RBFOX1: variants seen among roughly 807,000 people sequenced by gnomAD.
RBFOX1 encodes the protein RNA binding fox-1 homolog 1.
In RBFOX1, 8 loss-of-function variants were observed where a neutral mutation model predicts 57.7. The ratio of observed to expected loss-of-function variants is 0.14; its 90% CI spans 0.08 to 0.25. The LOEUF (loss-of-function observed/expected upper bound fraction) is 0.25. RBFOX1 is among the 10% of genes least tolerant of loss of function. RBFOX1 has a pLI of 1.00. For missense variants in RBFOX1, 611 were observed against 548.5 expected (o/e 1.11, Z -1.14); for synonymous variants, 326 against 222.4 (o/e 1.47, Z -4.15).
intron 2 of RBFOX1, among the ~76,000 whole-genome samples, chr16:6,425,647 A>T (rs1277426667): frequency 1.3e-5 from 2 of 152,028 alleles, no homozygotes; most frequent in African/African-American, 4.8e-5. Context: ...AAACAGTTTG[A>T]TGGACTTTGT....
At chr16:6,403,646 T>A (rs2093166619) in intron 2 of RBFOX1, among the ~76,000 whole-genome samples, 1 of 152,138 alleles carries the variant, frequency 6.6e-6, no homozygotes, top group African/African-American at 2.4e-5. Flanking sequence ...TGAGCCACCG[T>A]GCCTGACATC....
chr16:5,933,490 A>T (rs139113897), intron 4 of RBFOX1, among the ~76,000 whole-genome samples: 1 of 152,298 alleles, frequency 6.6e-6, no homozygotes, highest in Non-Finnish European at 1.5e-5. Flanking sequence ...GTCAGGGTTG[A>T]ATCTCCTTGT....
chr16:5,307,680 A>T (rs2063974224), intron 1 of RBFOX1, among the ~76,000 whole-genome samples: 2 of 152,078 alleles, frequency 1.3e-5, no homozygotes, highest in African/African-American at 4.8e-5. Context: ...ATGATGAATT[A>T]TTACTACTTT....
chr16:7,114,519 A>T (rs926919661), intron 4 of RBFOX1, among the ~76,000 whole-genome samples: 1 of 152,188 alleles, frequency 6.6e-6, no homozygotes, highest in Non-Finnish European at 1.5e-5. Flanking sequence ...GCAGTGGAAC[A>T]TGGTTCCAAA....
intron 2 of RBFOX1, among the ~76,000 whole-genome samples, chr16:6,638,040 C>A (rs1051172460): frequency 6.6e-6 from 1 of 151,996 alleles, no homozygotes; most frequent in South Asian, 2.1e-4. Context: ...TCTAAGACAC[C>A]TTTAGGGGTA....
At chr16:7,648,933 C>T (rs966779044) in intron 11 of RBFOX1, among the ~76,000 whole-genome samples, 1 of 152,022 alleles carries the variant, frequency 6.6e-6, no homozygotes, top group African/African-American at 2.4e-5. Context: ...TTTTCCGAGA[C>T]AGTGAAAAAC....
intron 3 of RBFOX1, among the ~76,000 whole-genome samples, chr16:5,701,367 C>A (rs949592245): frequency 2.0e-5 from 3 of 152,194 alleles, no homozygotes; most frequent in African/African-American, 7.2e-5. Flanking sequence ...TAAGGGACTT[C>A]TTGGGAGAAT....
chr16:5,243,905 AT>A (rs981567158), intron 1 of RBFOX1, among the ~76,000 whole-genome samples: 22 of 151,076 alleles, frequency 1.5e-4, no homozygotes, highest in African/African-American at 3.9e-4. Context: ...ATTTATTTTT[AT>A]TTTTTTTTAA....
intron 4 of RBFOX1, among the ~76,000 whole-genome samples, chr16:7,258,377 T>C (rs1190514723): frequency 6.6e-6 from 1 of 152,220 alleles, no homozygotes; most frequent in Non-Finnish European, 1.5e-5. Flanking sequence ...TTGAGATTCA[T>C]GTCTAAATAC....
chr16:6,901,867 T>C (rs1020878746), intron 3 of RBFOX1, among the ~76,000 whole-genome samples: 1 of 152,208 alleles, frequency 6.6e-6, no homozygotes, highest in Non-Finnish European at 1.5e-5. Flanking sequence ...TGTTCTGGAG[T>C]TCCCCATGTG....
chr16:6,679,720 T>C (rs74005654), intron 3 of RBFOX1, among the ~76,000 whole-genome samples: 4,586 of 152,200 alleles, frequency 0.03, 211 homozygotes, highest in African/African-American at 0.1. Context: ...TTGAGTGAGT[T>C]CTTTGAGGAG....
At chr16:6,513,898 C>T (rs1013060682) in intron 2 of RBFOX1, among the ~76,000 whole-genome samples, 1 of 152,080 alleles carries the variant, frequency 6.6e-6, no homozygotes, top group Non-Finnish European at 1.5e-5. Flanking sequence ...GAGGGGGCGT[C>T]AGGCTGAAAG....
chr16:6,043,321 T>C (rs1319127895), intron 1 of RBFOX1, among the ~76,000 whole-genome samples: 1 of 152,086 alleles, frequency 6.6e-6, no homozygotes, highest in Non-Finnish European at 1.5e-5. Context: ...CCTGGCTGCA[T>C]TCATGGAGGT....
intron 1 of RBFOX1, among the ~76,000 whole-genome samples, chr16:6,305,630 T>C (rs2079412296): frequency 6.7e-6 from 1 of 149,186 alleles, no homozygotes; most frequent in South Asian, 2.1e-4. Context: ...TTTAAACACA[T>C]ACTGTAGTCA....
intron 1 of RBFOX1, among the ~76,000 whole-genome samples, chr16:6,179,173 C>A (rs932620988): frequency 2.6e-5 from 4 of 152,172 alleles, no homozygotes; most frequent in Admixed American, 1.3e-4. Context: ...GCAACTCCTG[C>A]ATGCTTGAGA....
chr16:7,279,879 G>A (rs1242166093), intron 4 of RBFOX1, among the ~76,000 whole-genome samples: 2 of 152,162 alleles, frequency 1.3e-5, no homozygotes, highest in Non-Finnish European at 2.9e-5. Context: ...AAGGCTGAAA[G>A]GGAAATTGAT....
At chr16:6,719,060 C>A (rs182331345) in intron 3 of RBFOX1, among the ~76,000 whole-genome samples, 1 of 151,976 alleles carries the variant, frequency 6.6e-6, no homozygotes, top group Non-Finnish European at 1.5e-5. Flanking sequence ...ACAGATGAGA[C>A]TTTGCCATGT....
At chr16:5,888,725 G>A (rs1230670467) in intron 4 of RBFOX1, among the ~76,000 whole-genome samples, 2 of 151,514 alleles carry the variant, frequency 1.3e-5, no homozygotes, top group South Asian at 2.1e-4. Context: ...GAATCCGGGA[G>A]GTGGAGGTTG....
chr16:7,471,346 A>T (rs965705814), intron 4 of RBFOX1, among the ~76,000 whole-genome samples: 2 of 152,150 alleles, frequency 1.3e-5, no homozygotes, highest in Admixed American at 1.3e-4. Context: ...ATTTGAAGGA[A>T]AACTGCTGGG....
Sources: gnomAD v4.1 joint callset for allele counts (sites outside exome capture counted in the v4.1 genomes callset) on GRCh38, gnomAD v4.1.1 for gene constraint, MANE v1.5 for transcripts, NCBI Gene and HGNC (gene_info 2026-07-23, HGNC 2026-07-21) for gene names.